RASAL2: variants seen among roughly 807,000 people sequenced by gnomAD.
RASAL2 encodes RAS protein activator like 2.
Under a neutral mutation model 128.9 loss-of-function variants are expected in RASAL2, and 58 were observed. That is an observed-to-expected ratio of 0.45 (90% confidence interval 0.36 to 0.56). The LOEUF (loss-of-function observed/expected upper bound fraction) is 0.56, where lower values mean the gene tolerates loss of function less well. Among genes scored for constraint, RASAL2 ranks in the 20% least tolerant of loss-of-function variants. RASAL2 has a pLI of 0.00. For synonymous variants in RASAL2, 561 were observed against 580.8 expected, an observed-to-expected ratio of 0.97 and a Z score of 0.49; for missense variants, 1,360 against 1,601.6, an observed-to-expected ratio of 0.85 and a Z score of 2.57.
chr1:178,334,468 A>G (rs1669488137), intron 3 of RASAL2, among the ~76,000 whole-genome samples: 1 of 151,446 alleles, frequency 6.6e-6, no homozygotes, highest in Non-Finnish European at 1.5e-5. Context: ...CCTCCCAAGT[A>G]GCTGGGATTA....
chr1:178,202,084 C>T (rs761306599), intron 1 of RASAL2, among the ~76,000 whole-genome samples: 6 of 152,102 alleles, frequency 3.9e-5, no homozygotes, highest in Non-Finnish European at 7.4e-5. Flanking sequence ...TCTGAGCTGA[C>T]GTTGATTCCA....
At chr1:178,178,206 C>T (rs956080970) in intron 1 of RASAL2, among the ~76,000 whole-genome samples, 3 of 151,964 alleles carry the variant, frequency 2.0e-5, no homozygotes, top group Non-Finnish European at 2.9e-5. Context: ...GATATGAGGG[C>T]CTAAGTGGGA....
At chr1:178,261,507 AT>A (rs1665691622) in intron 1 of RASAL2, among the ~76,000 whole-genome samples, 1 of 152,156 alleles carries the variant, frequency 6.6e-6, no homozygotes, top group Admixed American at 6.5e-5. Context: ...CTGAATTTTT[AT>A]ATGTGAGTTC....
chr1:178,313,640 A>G (rs1020666377), intron 3 of RASAL2, among the ~76,000 whole-genome samples: 2 of 152,098 alleles, frequency 1.3e-5, no homozygotes, highest in Non-Finnish European at 2.9e-5. Context: ...GCAGGTGCAC[A>G]CCACCACACC....
chr1:178,357,657 G>A (rs1670882438), intron 3 of RASAL2, among the ~76,000 whole-genome samples: 1 of 152,038 alleles, frequency 6.6e-6, no homozygotes, highest in Non-Finnish European at 1.5e-5. Flanking sequence ...TGACATTTCA[G>A]TTGGAATTAC....
intron 4 of RASAL2, 41 bp from the exon 5 acceptor site, chr1:178,420,469 CT>C: frequency 1.5e-6 from 2 of 1,370,550 alleles, no homozygotes; most frequent in Non-Finnish European, 2.1e-6. Context: ...GTAACATTCC[CT>C]TTTGGTTCTC....
intron 1 of RASAL2, among the ~76,000 whole-genome samples, chr1:178,169,904 T>G (rs978609392): frequency 7.2e-5 from 11 of 152,016 alleles, no homozygotes; most frequent in African/African-American, 2.7e-4. Flanking sequence ...CATTTTATAC[T>G]TTAAAGAAAT....
chr1:178,417,444 T>G (rs866444946), intron 4 of RASAL2, among the ~76,000 whole-genome samples: 3 of 152,220 alleles, frequency 2.0e-5, no homozygotes, highest in Non-Finnish European at 2.9e-5. Flanking sequence ...TGTATCATAT[T>G]ATGTCATATG....
At chr1:178,431,393 A>G (rs1675887361) in intron 5 of RASAL2, among the ~76,000 whole-genome samples, 1 of 152,096 alleles carries the variant, frequency 6.6e-6, no homozygotes, top group South Asian at 2.1e-4. Context: ...ATAATGAAAT[A>G]CCATTTTTTA....
intron 1 of RASAL2, among the ~76,000 whole-genome samples, chr1:178,261,223 T>C (rs1036254421): frequency 6.6e-6 from 1 of 152,166 alleles, no homozygotes; most frequent in African/African-American, 2.4e-5. Flanking sequence ...ATAAGAACTC[T>C]GGAATTGTCC....
chr1:178,106,067 C>T (rs1043175227), intron 1 of RASAL2, among the ~76,000 whole-genome samples: 1 of 152,144 alleles, frequency 6.6e-6, no homozygotes, highest in African/African-American at 2.4e-5. Flanking sequence ...CTGTAGATGA[C>T]AACATTATTG....
intron 3 of RASAL2, among the ~76,000 whole-genome samples, chr1:178,324,115 G>A (rs1405199182): frequency 2.6e-5 from 4 of 152,142 alleles, no homozygotes; most frequent in Non-Finnish European, 5.9e-5. Context: ...TTTTTATTAT[G>A]ATTCAAAAGA....
intron 1 of RASAL2, among the ~76,000 whole-genome samples, chr1:178,207,855 A>G (rs1663111571): frequency 6.6e-6 from 1 of 152,172 alleles, no homozygotes; most frequent in Non-Finnish European, 1.5e-5. Flanking sequence ...CAGTTCCACT[A>G]TAGCATCCCC....
chr1:178,298,592 C>G (rs996267919), intron 2 of RASAL2, among the ~76,000 whole-genome samples: 1 of 152,134 alleles, frequency 6.6e-6, no homozygotes, highest in Non-Finnish European at 1.5e-5. Flanking sequence ...TATACCTGTC[C>G]TACTTTTGCT....
chr1:178,376,267 G>A (rs1337509487), intron 3 of RASAL2, among the ~76,000 whole-genome samples: 1 of 152,150 alleles, frequency 6.6e-6, no homozygotes, highest in Non-Finnish European at 1.5e-5. Context: ...TTTGAGTAAA[G>A]TTGAAGAGGG....
At chr1:178,385,754 A>G (rs1025960644) in intron 3 of RASAL2, among the ~76,000 whole-genome samples, 38 of 152,038 alleles carry the variant, frequency 2.5e-4, no homozygotes, top group African/African-American at 8.0e-4. Flanking sequence ...TTTACCTCCT[A>G]CTATTTGTTC....
intron 1 of RASAL2, among the ~76,000 whole-genome samples, chr1:178,106,056 G>C (rs775804624): frequency 1.2e-4 from 19 of 152,164 alleles, no homozygotes; most frequent in Non-Finnish European, 2.6e-4. Flanking sequence ...ACATGAAATC[G>C]CTGTAGATGA....
At chr1:178,471,842 C>T (rs1420654254) in intron 17 of RASAL2, among the ~76,000 whole-genome samples, 2 of 152,176 alleles carry the variant, frequency 1.3e-5, no homozygotes, top group Non-Finnish European at 2.9e-5. Context: ...CCCTGGGTAG[C>T]TGCTGTTTTA....
intron 7 of RASAL2, among the ~76,000 whole-genome samples, 185 bp from the exon 8 acceptor site, chr1:178,442,490 C>A (rs1676721445): frequency 6.6e-6 from 1 of 151,972 alleles, no homozygotes; most frequent in Admixed American, 6.6e-5. Flanking sequence ...ATATATAATT[C>A]TTCAAGATTC....
Sources: gnomAD v4.1 joint callset for allele counts (sites outside exome capture counted in the v4.1 genomes callset) on GRCh38, gnomAD v4.1.1 for gene constraint, MANE v1.5 for transcripts, NCBI Gene and HGNC (gene_info 2026-07-23, HGNC 2026-07-21) for gene names.